Variants in SGCE observed in about 807,000 individuals in gnomAD.
The protein encoded by SGCE is sarcoglycan epsilon.
In SGCE, 26 loss-of-function variants were observed where a neutral mutation model predicts 57.8. The observed-to-expected ratio is 0.45, with a 90% CI of 0.33 to 0.62. The LOEUF (loss-of-function observed/expected upper bound fraction) is 0.62. SGCE is among the 20% of genes least tolerant of loss of function. The pLI is 0.02. For missense variants in SGCE, 468 were observed against 548.6 expected, an observed-to-expected ratio of 0.85 and a Z score of 1.47; for synonymous variants, 183 against 189.5, an observed-to-expected ratio of 0.97 and a Z score of 0.28.
At chr7:94,609,891 CA>C (rs1265049906) in intron 5 of SGCE, among the ~76,000 whole-genome samples, 4 of 152,264 alleles carry the variant, frequency 2.6e-5, no homozygotes, top group Non-Finnish European at 5.9e-5. Context: ...TATTTCCACA[CA>C]AAAGCCTGCA....
At chr7:94,643,620 G>A (rs1054054950) in intron 1 of SGCE, among the ~76,000 whole-genome samples, 2 of 152,108 alleles carry the variant, frequency 1.3e-5, no homozygotes, top group Non-Finnish European at 2.9e-5. Context: ...ACGATGCCAC[G>A]AATGATGTGC....
intron 1 of SGCE, among the ~76,000 whole-genome samples, chr7:94,643,611 C>A (rs760002359): frequency 3.3e-5 from 5 of 152,082 alleles, no homozygotes; most frequent in African/African-American, 1.2e-4. Context: ...AGGCAAGACA[C>A]GATGCCACGA....
intron 3 of SGCE, chr7:94,626,882 A>C (rs1216801621): frequency 3.9e-5 from 6 of 151,936 alleles, no homozygotes; most frequent in Admixed American, 3.9e-4. Flanking sequence ...GCCAAGAGCT[A>C]TTTTTTCTTA....
intron 5 of SGCE, among the ~76,000 whole-genome samples, chr7:94,606,377 CAAAG>C (rs767514115): frequency 4.1e-4 from 62 of 152,150 alleles, no homozygotes; most frequent in African/African-American, 1.2e-3. Context: ...TTATCAGAGA[CAAAG>C]AAAGGCATTA....
In SGCE at chr7:94,598,605, T is replaced by C. The variant is rs1798759681; in HGVS notation, c.1253+170A>G. On this transcript the variant is annotated intron_variant, in intron 9 of 10. Transcript: ENST00000648936. ...AAAAAAGTGCATTTCCTAAAAGTAA[T>C]TGTATTGTATATTTCAGGAGAGTAG... 6 of 642,444 alleles carry C rather than the reference T, an allele frequency of 9.3e-6. No homozygotes were observed. The South Asian group carries it at 1.1e-4, about 12-fold the overall frequency. The allele number at this position is 642,444 out of a possible 1,614,324, so 39.8% of individuals were successfully genotyped here.
chr7:94,615,963 T>C (rs1480314258), intron 5 of SGCE, among the ~76,000 whole-genome samples: 3 of 152,212 alleles, frequency 2.0e-5, no homozygotes, highest in African/African-American at 7.2e-5. Flanking sequence ...CTTGGGGTTA[T>C]CAGTCTGGCA....
At chr7:94,588,516 TC>T in intron 10 of SGCE, 172 bp downstream of exon 10, 1 of 1,437,442 alleles carries the variant, frequency 7.0e-7, no homozygotes, top group East Asian at 2.6e-5. Context: ...CTGATGCCAA[TC>T]TATGTAATAA....
intron 10 of SGCE, among the ~76,000 whole-genome samples, chr7:94,586,061 G>GAAAAAAAAAAAAAAAAAAAA (rs780812386): frequency 3.1e-4 from 9 of 28,904 alleles, no homozygotes; most frequent in Admixed American, 5.2e-4. Context: ...GGAACTAAAT[G>GAAAAAAAAAAAAAAAAAAAA]AAAAAAAAAA....
At chr7:94,609,369 A>G (rs1457129143) in intron 5 of SGCE, among the ~76,000 whole-genome samples, 1 of 152,218 alleles carries the variant, frequency 6.6e-6, no homozygotes, top group Admixed American at 6.5e-5. Flanking sequence ...TCTACTGAAA[A>G]TACAAAAATT....
chr7:94,594,701 G>A (rs1195094187), intron 9 of SGCE, among the ~76,000 whole-genome samples: 2 of 152,172 alleles, frequency 1.3e-5, no homozygotes, highest in East Asian at 1.9e-4. Flanking sequence ...TGGCTGAGGC[G>A]TATCTGGGAA....
At chr7:94,642,504 T>G (rs959049399) in intron 1 of SGCE, among the ~76,000 whole-genome samples, 2 of 152,040 alleles carry the variant, frequency 1.3e-5, no homozygotes, top group African/African-American at 4.8e-5. Flanking sequence ...AGTAAAAAAT[T>G]CTAAAACACA....
At chr7:94,632,735 CT>C (rs1209665123) in intron 1 of SGCE, among the ~76,000 whole-genome samples, 1 of 152,076 alleles carries the variant, frequency 6.6e-6, no homozygotes, top group Non-Finnish European at 1.5e-5. Context: ...GCATTTGTTA[CT>C]TGCAAAACAA....
chr7:94,586,952 G>C, intron 10 of SGCE: 1 of 974,224 alleles, frequency 1.0e-6, no homozygotes, highest in Non-Finnish European at 1.2e-6. Flanking sequence ...ACCAAGAGGA[G>C]ATACTGTACT....
At chr7:94,632,704 T>C (rs754824359) in intron 1 of SGCE, among the ~76,000 whole-genome samples, 1 of 152,062 alleles carries the variant, frequency 6.6e-6, no homozygotes, top group Non-Finnish European at 1.5e-5. Flanking sequence ...TTTAGAGGAG[T>C]GCCCTTTGCC....
intron 5 of SGCE, among the ~76,000 whole-genome samples, chr7:94,613,492 A>G (rs1801388258): frequency 6.6e-6 from 1 of 152,112 alleles, no homozygotes; most frequent in African/African-American, 2.4e-5. Context: ...ATGAATGCTA[A>G]CAAAACCTGG....
chr7:94,635,694 A>G (rs1805518597), intron 1 of SGCE, among the ~76,000 whole-genome samples: 3 of 152,226 alleles, frequency 2.0e-5, no homozygotes, highest in Non-Finnish European at 4.4e-5. Context: ...AAATTTAATT[A>G]TTAAGCCAGG....
chr7:94,648,249 C>A (rs892350791), intron 1 of SGCE, among the ~76,000 whole-genome samples: 2 of 151,734 alleles, frequency 1.3e-5, no homozygotes, highest in Non-Finnish European at 2.9e-5. Flanking sequence ...GTGGCGGGTG[C>A]CTGTAATCCC....
chr7:94,587,551 G>A lies in SGCE; in HGVS notation c.1297+1138C>T. The A allele has an allele frequency of 3.0e-6, 4 of 1,318,528 alleles. No homozygotes were observed. In the South Asian group the frequency reaches 7.4e-5, roughly 24 times the overall value. The allele number at this position is 1,318,528 out of a possible 1,614,324, so 81.7% of individuals were successfully genotyped here. ...ATAGCTGTGAAATTAGTGGTAGTAG[G>A]GATTCATTTATCTTTTTTCTCTCTT... On this transcript the variant is annotated intron_variant, in intron 10 of 10. Coordinates refer to ENST00000648936, the MANE Select transcript of SGCE (RefSeq NM_003919.3).
intron 2 of SGCE, 48 bp downstream of exon 2, chr7:94,629,670 CA>C: frequency 3.1e-6 from 5 of 1,597,538 alleles, no homozygotes; most frequent in South Asian, 1.1e-5. Flanking sequence ...GCAAATTAAA[CA>C]AAAAATTTAG....
Sources: gnomAD v4.1 joint callset for allele counts (sites outside exome capture counted in the v4.1 genomes callset) on GRCh38, gnomAD v4.1.1 for gene constraint, MANE v1.5 for transcripts, NCBI Gene and HGNC (gene_info 2026-07-23, HGNC 2026-07-21) for gene names.